Variants in WDR59 observed in about 807,000 individuals in gnomAD.
WDR59 encodes the protein WD repeat domain 59, also known as GATOR2 complex protein WDR59.
Under a neutral mutation model 131.2 loss-of-function variants are expected in WDR59, and 100 were observed. The ratio of observed to expected loss-of-function variants is 0.76; its 90% CI spans 0.65 to 0.90. WDR59 has a LOEUF of 0.90. WDR59 is among the 40% of genes least tolerant of loss of function. The pLI is 0.00. For synonymous variants in WDR59, 601 were observed against 466.2 expected (o/e 1.29, Z -3.72); for missense variants, 1,203 against 1,262.2 (o/e 0.95, Z 0.71).
intron 3 of WDR59, among the ~76,000 whole-genome samples, chr16:74,952,784 T>TAC (rs1008846047): frequency 1.7e-4 from 26 of 151,098 alleles, no homozygotes; most frequent in African/African-American, 5.8e-4. Flanking sequence ...TATATATATA[T>TAC]ACACATTAGA....
At chr16:74,961,002 G>A (rs985750057) in intron 2 of WDR59, among the ~76,000 whole-genome samples, 1 of 151,910 alleles carries the variant, frequency 6.6e-6, no homozygotes, top group African/African-American at 2.4e-5. Context: ...TACACATATT[G>A]TAAAATTCAG....
chr16:74,924,457 T>C (rs1271701080), intron 8 of WDR59, among the ~76,000 whole-genome samples: 1 of 152,194 alleles, frequency 6.6e-6, no homozygotes, highest in Non-Finnish European at 1.5e-5. Context: ...CTTTTTCAAA[T>C]GTAGAGGCTA....
chr16:74,966,834 G>A (rs991924091), intron 1 of WDR59, among the ~76,000 whole-genome samples: 10 of 152,118 alleles, frequency 6.6e-5, no homozygotes, highest in Admixed American at 1.3e-4. Flanking sequence ...CTATCACATC[G>A]TTTCAGGAGC....
chr16:74,916,192 G>C lies in WDR59; in HGVS notation c.1034C>G (p.Pro345Arg). 6.2e-7 allele frequency: 1 copy of C among 1,614,064 alleles called. No individual in the cohort carries two copies. Among genetic ancestry groups the C allele is most frequent in the Non-Finnish European group, 8.5e-7 (1 of 1,179,964 alleles). Residue 345 changes from proline (P) to arginine (R), a missense_variant, in exon 12 of 26, where the codon CCT becomes CGT. Coordinates refer to ENST00000262144, the MANE Select transcript of WDR59 (RefSeq NM_030581.4). ...ATCTTCAGTGTGCAGGGTCTTCTCA[G>C]GTTCCGGCAGAAGGGAAATACTCTC... ...FIESISLLPE[P>R]EKTLHTEDTD...
At chr16:74,925,129 T>C (rs2030648411) in intron 8 of WDR59, among the ~76,000 whole-genome samples, 1 of 152,210 alleles carries the variant, frequency 6.6e-6, no homozygotes, top group Non-Finnish European at 1.5e-5. Context: ...TGGTGGCATA[T>C]ACATAAGTGG....
chr16:74,955,536 C>T (rs563164379), intron 3 of WDR59, among the ~76,000 whole-genome samples: 4 of 152,280 alleles, frequency 2.6e-5, no homozygotes, highest in African/African-American at 9.6e-5. Flanking sequence ...ACTGACTCTG[C>T]CTTTCTCTTT....
intron 15 of WDR59, 68 bp from the exon 16 acceptor site, chr16:74,909,725 C>A: frequency 1.3e-6 from 2 of 1,554,444 alleles, no homozygotes; most frequent in South Asian, 1.2e-5. Flanking sequence ...AAATAAAGAC[C>A]CAGTATGACA....
intron 6 of WDR59, among the ~76,000 whole-genome samples, chr16:74,945,394 G>A (rs533645257): frequency 2.6e-5 from 4 of 151,136 alleles, no homozygotes; most frequent in African/African-American, 9.7e-5. Flanking sequence ...GGAGAATGGC[G>A]AGAACCTGGG....
At chr16:74,961,657 T>C (rs1234211788) in intron 2 of WDR59, among the ~76,000 whole-genome samples, 1 of 152,206 alleles carries the variant, frequency 6.6e-6, no homozygotes, top group Non-Finnish European at 1.5e-5. Flanking sequence ...TCTTGTAAAT[T>C]TGTTTAAATT....
At chr16:74,919,051 G>T (rs1482669715) in intron 10 of WDR59, among the ~76,000 whole-genome samples, 2 of 152,052 alleles carry the variant, frequency 1.3e-5, no homozygotes, top group African/African-American at 4.8e-5. Flanking sequence ...TGACTTTGAC[G>T]AAAAGGTATG....
intron 8 of WDR59, among the ~76,000 whole-genome samples, chr16:74,935,199 G>C (rs4888317): frequency 0.99 from 150,910 of 152,200 alleles, 74,830 homozygotes; most frequent in Middle Eastern, 1. Context: ...CACTGCAATC[G>C]AGCCTGGGCA....
At chr16:74,913,075 G>T (rs1397193289) in intron 13 of WDR59, among the ~76,000 whole-genome samples, 6 of 44,592 alleles carry the variant, frequency 1.3e-4, no homozygotes, top group East Asian at 1.2e-3. Flanking sequence ...GATTTTGGGG[G>T]GGGGGGGGGC....
At chr16:74,905,274 T>A (rs182216399) in intron 17 of WDR59, among the ~76,000 whole-genome samples, 1 of 139,166 alleles carries the variant, frequency 7.2e-6, no homozygotes, top group African/African-American at 2.7e-5. Flanking sequence ...ACTCGGGAGG[T>A]TGAGGCAGGA....
chr16:74,974,975 A>G (rs966297480), intron 1 of WDR59, among the ~76,000 whole-genome samples: 4 of 152,222 alleles, frequency 2.6e-5, no homozygotes, highest in Admixed American at 2.6e-4. Flanking sequence ...ATGACTGCAA[A>G]TATGACTGTG....
rs1964028771 is a variant in WDR59 at position 74,872,524 on chromosome 16, C to G, written c.*1685G>C. The G allele has an allele frequency of 6.7e-6, 1 of 149,844 alleles. No homozygotes were observed. The highest frequency in any genetic ancestry group is 6.7e-5 in the Admixed American group (1 of 14,978). 9.3% of individuals were successfully genotyped at this position (149,844 alleles called of 1,614,324 possible). On this transcript the variant is annotated 3_prime_UTR_variant, in exon 26 of 26. Coordinates refer to ENST00000262144, the MANE Select transcript of WDR59 (RefSeq NM_030581.4). ...ACAGTGAGCTATGATTGCATCACCA[C>G]TCTCCAGTCTGGGTGACAGAGTGAG...
At chr16:74,938,733 T>A (rs746037025) in intron 7 of WDR59, among the ~76,000 whole-genome samples, 2 of 151,908 alleles carry the variant, frequency 1.3e-5, no homozygotes, top group African/African-American at 4.8e-5. Flanking sequence ...GAGATGGGGT[T>A]TTGCATGTTG....
chr16:74,916,147 G>C lies in WDR59; in HGVS notation c.1079C>G (p.Ala360Gly). 6.2e-7 allele frequency: 1 copy of C among 1,614,208 alleles called. No individual in the cohort carries two copies. The highest frequency in any genetic ancestry group is 1.1e-5 in the South Asian group (1 of 91,080). The change falls in exon 12 of 26, where the codon GCA becomes GGA. Residue 360 changes from alanine (A) to glycine (G), a missense_variant. Coordinates refer to ENST00000262144, the MANE Select transcript of WDR59 (RefSeq NM_030581.4). The part of the protein sequence containing the change: ...HTEDTDHQHT[A>G]SHGEEEALKE... ...ATTACCTTCTTCCTCCCCATGGCTT[G>C]CAGTGTGCTGGTGATCTGTATCTTC...
At chr16:74,951,874 G>A (rs1019279047) in intron 3 of WDR59, among the ~76,000 whole-genome samples, 14 of 152,072 alleles carry the variant, frequency 9.2e-5, no homozygotes, top group African/African-American at 3.1e-4. Flanking sequence ...GCCACTAGAG[G>A]AACCTCCTCC....
intron 11 of WDR59, among the ~76,000 whole-genome samples, chr16:74,917,062 C>A (rs1966424837): frequency 1.3e-5 from 2 of 152,014 alleles, no homozygotes; most frequent in Non-Finnish European, 2.9e-5. Flanking sequence ...GTGGGAGATC[C>A]AATACAAGTG....
Sources: allele counts gnomAD v4.1 joint callset (sites outside exome capture counted in the v4.1 genomes callset), GRCh38; gene constraint gnomAD v4.1.1; transcripts MANE v1.5; gene names NCBI Gene and HGNC (gene_info 2026-07-23, HGNC 2026-07-21).